MTMR7: variants seen among roughly 807,000 people sequenced by gnomAD.
MTMR7 encodes phosphatidylinositol-3-phosphate phosphatase MTMR7.
Under a neutral mutation model 81.2 loss-of-function variants are expected in MTMR7, and 76 were observed. That is an observed-to-expected ratio of 0.94 (90% CI 0.78 to 1.13). The LOEUF is 1.13. MTMR7 is among the 50% of genes most tolerant of loss of function. The pLI is 0.00. For missense variants in MTMR7, 1,044 were observed against 820.0 expected, an observed-to-expected ratio of 1.27 and a Z score of -3.34; for synonymous variants, 372 against 289.8, an observed-to-expected ratio of 1.28 and a Z score of -2.88.
At chr8:17,405,238 G>A (rs1471022166) in intron 1 of MTMR7, among the ~76,000 whole-genome samples, 1 of 152,224 alleles carries the variant, frequency 6.6e-6, no homozygotes. Flanking sequence ...GGAAGTGTTT[G>A]AAATTTGAAC....
chr8:17,311,046 G>A (rs945475106), intron 9 of MTMR7, among the ~76,000 whole-genome samples: 4 of 152,146 alleles, frequency 2.6e-5, no homozygotes, highest in African/African-American at 7.2e-5. Context: ...TTCTCATCCA[G>A]GGGTGTGAAG....
chr8:17,318,007 C>A (rs1450997989), intron 7 of MTMR7, among the ~76,000 whole-genome samples: 1 of 151,972 alleles, frequency 6.6e-6, no homozygotes, highest in African/African-American at 2.4e-5. Flanking sequence ...CAAGAAATTC[C>A]TTTGGGTCTG....
At chr8:17,372,256 A>G (rs754865149) in intron 2 of MTMR7, among the ~76,000 whole-genome samples, 5 of 152,166 alleles carry the variant, frequency 3.3e-5, no homozygotes, top group Non-Finnish European at 7.3e-5. Flanking sequence ...AGGGAAATCT[A>G]CAATTCAGGG....
At chr8:17,383,620 G>A (rs1483703331) in intron 1 of MTMR7, among the ~76,000 whole-genome samples, 1 of 152,172 alleles carries the variant, frequency 6.6e-6, no homozygotes, top group African/African-American at 2.4e-5. Flanking sequence ...CTCCTCCATC[G>A]TCCCTGAGAT....
At chr8:17,311,871 A>AC (rs1817799704) in intron 8 of MTMR7, 8 of 562,168 alleles carry the variant, frequency 1.4e-5, no homozygotes, top group Non-Finnish European at 2.5e-5. Flanking sequence ...AGTCACCTCC[A>AC]ATAAGCGCAT....
At chr8:17,323,668 C>T (rs913348070) in intron 7 of MTMR7, among the ~76,000 whole-genome samples, 3 of 152,106 alleles carry the variant, frequency 2.0e-5, no homozygotes, top group African/African-American at 4.8e-5. Context: ...TCATTCCACA[C>T]ACCTCATGCC....
At chr8:17,375,343 A>G (rs1025911649) in intron 1 of MTMR7, among the ~76,000 whole-genome samples, 2 of 152,190 alleles carry the variant, frequency 1.3e-5, no homozygotes, top group African/African-American at 4.8e-5. Context: ...ACTGAGGTCA[A>G]TAAAGAATTA....
chr8:17,363,791 G>A (rs1243514003), intron 3 of MTMR7, among the ~76,000 whole-genome samples: 1 of 151,838 alleles, frequency 6.6e-6, no homozygotes, highest in Non-Finnish European at 1.5e-5. Flanking sequence ...AGCGCCACTA[G>A]CACAGATGAA....
chr8:17,372,527 G>A (rs1554515977), intron 2 of MTMR7, among the ~76,000 whole-genome samples: 1 of 152,104 alleles, frequency 6.6e-6, no homozygotes, highest in Non-Finnish European at 1.5e-5. Context: ...GGCAGAGGCT[G>A]CAGTGAGCTG....
rs190752474 is a variant in MTMR7, at chr8:17,398,607, G to C, written c.24+14662C>G. On this transcript the variant is annotated intron_variant, in intron 1 of 13. Transcript: ENST00000180173. ...AAGAGTTACTGGCCTTAAAGAGGAGGTAGAGAAAGAAATGGGAATATAAAG... is the reference window on the plus strand; with the variant it reads ...AAGAGTTACTGGCCTTAAAGAGGAGCTAGAGAAAGAAATGGGAATATAAAG... Among the ~76,000 whole-genome samples, 8 of 152,304 alleles carry C rather than the reference G, an allele frequency of 5.3e-5. No individual in the cohort carries two copies. The East Asian group carries it at 1.5e-3, about 29-fold the overall frequency.
At chr8:17,398,503 C>G (rs1821325456) in intron 1 of MTMR7, among the ~76,000 whole-genome samples, 1 of 151,098 alleles carries the variant, frequency 6.6e-6, no homozygotes, top group Non-Finnish European at 1.5e-5. Context: ...AACACACAGT[C>G]AGAGGGGACA....
intron 5 of MTMR7, chr8:17,345,960 T>C (rs904722731): frequency 1.3e-5 from 2 of 152,192 alleles, no homozygotes; most frequent in Non-Finnish European, 2.9e-5. Context: ...GCCTAAAATG[T>C]CTCAAATAAC....
At chr8:17,361,914 C>G (rs1820073095) in intron 3 of MTMR7, among the ~76,000 whole-genome samples, 1 of 152,112 alleles carries the variant, frequency 6.6e-6, no homozygotes, top group East Asian at 1.9e-4. Context: ...GAATTGAAGG[C>G]TGCATCATGA....
At chr8:17,325,833 G>C (rs963896418) in intron 7 of MTMR7, among the ~76,000 whole-genome samples, 1 of 152,134 alleles carries the variant, frequency 6.6e-6, no homozygotes, top group Non-Finnish European at 1.5e-5. Context: ...CCATAGGAAG[G>C]CATGGGGCCT....
chr8:17,338,248 G>A (rs1819308986), intron 6 of MTMR7, among the ~76,000 whole-genome samples: 1 of 152,128 alleles, frequency 6.6e-6, no homozygotes, highest in Admixed American at 6.6e-5. Context: ...AACACACTTA[G>A]CACTAAATAT....
At chr8:17,331,403 C>T (rs998903144) in intron 6 of MTMR7, 121 bp from the exon 7 acceptor site, 5 of 1,040,382 alleles carry the variant, frequency 4.8e-6, no homozygotes, top group Non-Finnish European at 6.7e-6. Context: ...AAACATAATA[C>T]GCTTATTTGA....
At chr8:17,351,220 A>G (rs967508401) in intron 4 of MTMR7, among the ~76,000 whole-genome samples, 1 of 152,234 alleles carries the variant, frequency 6.6e-6, no homozygotes, top group Non-Finnish European at 1.5e-5. Flanking sequence ...ACACTAAGGA[A>G]CTGCAAAGTT....
At chr8:17,376,742 T>C (rs887112434) in intron 1 of MTMR7, among the ~76,000 whole-genome samples, 1 of 152,164 alleles carries the variant, frequency 6.6e-6, no homozygotes, top group African/African-American at 2.4e-5. Flanking sequence ...TCTTTTACCA[T>C]TGAGTTTCAT....
In MTMR7 at chr8:17,297,360, A is replaced by G. The variant is rs566162777; in HGVS notation, c.*2502T>C. On this transcript the variant is annotated 3_prime_UTR_variant, in exon 14 of 14. Coordinates refer to ENST00000180173, the MANE Select transcript of MTMR7 (RefSeq NM_004686.5). ...CATAAATTGAGACTAGGAAATTTAT[A>G]TCAGAATAGAGGGTGCTTGACACAT... 6.7e-6 allele frequency: 1 copy of G among 149,796 alleles called. No individual in the cohort carries two copies. The highest frequency in any genetic ancestry group is 2.4e-5 in the African/African-American group (1 of 41,176). 9.3% of individuals were successfully genotyped at this position (149,796 alleles called of 1,614,324 possible). A position where few individuals can be genotyped will look rare whatever the true frequency, so the allele number is the denominator to read the frequency against.
Sources: allele counts gnomAD v4.1 joint callset (sites outside exome capture counted in the v4.1 genomes callset), GRCh38; gene constraint gnomAD v4.1.1; transcripts MANE v1.5; gene names NCBI Gene and HGNC (gene_info 2026-07-23, HGNC 2026-07-21).